COL4A5: variants seen among roughly 807,000 people sequenced by gnomAD.
The protein encoded by COL4A5 is collagen type IV alpha 5 chain.
COL4A5 carries 26 observed loss-of-function variants against 130.2 expected under a neutral mutation model. That is an observed-to-expected ratio of 0.20 (90% CI 0.15 to 0.28). The LOEUF is 0.28. COL4A5 is among the 10% of genes least tolerant of loss of function. The pLI is 1.00. For missense variants in COL4A5, 1,131 were observed against 1,344.3 expected (o/e 0.84, Z 2.48); for synonymous variants, 496 against 439.6 (o/e 1.13, Z -1.60).
chrX:108,682,678 C>T (rs62603586), intron 47 of COL4A5, among the ~76,000 whole-genome samples: 113 of 112,183 alleles, frequency 1.0e-3, no homozygotes, highest in Admixed American at 2.4e-3. Flanking sequence ...TTGTTGGCCT[C>T]ATAAATGTCT....
At chrX:108,677,728 C>T in intron 44 of COL4A5, 95 bp downstream of exon 44, 1 of 1,039,817 alleles carries the variant, frequency 9.6e-7, no homozygotes, top group Non-Finnish European at 1.3e-6. Flanking sequence ...TTAACACTCA[C>T]TAGACAAGGT....
chrX:108,567,815 C>T (rs1229188887), intron 4 of COL4A5, among the ~76,000 whole-genome samples: 1 of 111,454 alleles, frequency 9.0e-6, no homozygotes, highest in Non-Finnish European at 1.9e-5. Context: ...GGGGAAACCA[C>T]CCCCATGATT....
chrX:108,558,229 T>C, intron 2 of COL4A5, among the ~76,000 whole-genome samples: 1 of 109,923 alleles, frequency 9.1e-6, no homozygotes, highest in South Asian at 4.0e-4. Flanking sequence ...TTCTTAAACT[T>C]CATAGTGATG....
intron 1 of COL4A5, among the ~76,000 whole-genome samples, chrX:108,525,028 A>T (rs1308113547): frequency 8.9e-6 from 1 of 111,882 alleles, no homozygotes; most frequent in Non-Finnish European, 1.9e-5. Context: ...GTGTTGTTCA[A>T]GTCCTCTATT....
rs979009653 is a variant in COL4A5, at chrX:108,439,839, G to C, written c.-287G>C. On this transcript the variant is annotated 5_prime_UTR_variant, in exon 1 of 53. Transcript: ENST00000328300. ...CACGGGGAAGAGAGGGAGGAAAGTAGATCTGTAGGAATTGAGTGAAGAAAA... is the reference window on the plus strand; with the variant it reads ...CACGGGGAAGAGAGGGAGGAAAGTACATCTGTAGGAATTGAGTGAAGAAAA... 2 of 357,488 alleles carry C rather than the reference G, an allele frequency of 5.6e-6. No individual in the cohort carries two copies. The highest frequency in any genetic ancestry group is 9.7e-6 in the Non-Finnish European group (2 of 206,166). The allele number at this position is 357,488 out of a possible 1,213,427, so 29.5% of individuals were successfully genotyped here.
At chrX:108,561,843 A>G (rs916518399) in intron 3 of COL4A5, among the ~76,000 whole-genome samples, 1 of 111,640 alleles carries the variant, frequency 9.0e-6, no homozygotes, top group African/African-American at 3.3e-5. Context: ...GGAAAATAGG[A>G]TTACATCAGG....
chrX:108,483,282 A>G (rs1274114730), intron 1 of COL4A5, among the ~76,000 whole-genome samples: 3 of 110,245 alleles, frequency 2.7e-5, no homozygotes, highest in African/African-American at 9.9e-5. Context: ...ATTAACGTAC[A>G]TGATCACAAG....
Position 108,602,956 on chromosome X carries a change from T to G in COL4A5, c.2147-8T>G. On this transcript the variant is annotated splice_polypyrimidine_tract_variant and splice_region_variant and intron_variant, in intron 27 of 52. Transcript: ENST00000328300. ...TTGGTGGTTAAAAAATGACTTATCA[T>G]TTTACAGGCTTTCCTGGAATTCCAG... 2 of 1,151,181 alleles carry G rather than the reference T, an allele frequency of 1.7e-6. No homozygotes were observed. The highest frequency in any genetic ancestry group is 3.5e-5 in the African/African-American group (2 of 56,412). The allele number at this position is 1,151,181 out of a possible 1,213,427, so 94.9% of individuals were successfully genotyped here.
chrX:108,564,000 CA>C, intron 4 of COL4A5, 74 bp downstream of exon 4: 1 of 948,115 alleles, frequency 1.1e-6, no homozygotes, highest in Non-Finnish European at 1.5e-6. Flanking sequence ...TATTATGAGA[CA>C]ATTGGAAAAG....
intron 29 of COL4A5, 126 bp downstream of exon 29, chrX:108,607,018 C>A: frequency 1.5e-6 from 1 of 686,279 alleles, no homozygotes; most frequent in Non-Finnish European, 2.3e-6. Context: ...GTTACTGCTA[C>A]ACATTTTTTT....
At chrX:108,637,684 T>G (rs1052269828) in intron 36 of COL4A5, among the ~76,000 whole-genome samples, 1 of 111,450 alleles carries the variant, frequency 9.0e-6, no homozygotes, top group African/African-American at 3.3e-5. Context: ...TTAGATAACC[T>G]GGATGAAATG....
chrX:108,636,274 G>A (rs1030492580), intron 36 of COL4A5, among the ~76,000 whole-genome samples: 9 of 111,290 alleles, frequency 8.1e-5, no homozygotes, highest in Non-Finnish European at 1.7e-4. Context: ...AACATATTAG[G>A]ATAAAAGATG....
chrX:108,623,581 T>C (rs1032481496), intron 33 of COL4A5, among the ~76,000 whole-genome samples: 2 of 111,893 alleles, frequency 1.8e-5, no homozygotes, highest in Non-Finnish European at 3.8e-5. Flanking sequence ...ATGTTAAAAC[T>C]AGCTATATCT....
At chrX:108,545,502 T>C (rs895553435) in intron 2 of COL4A5, among the ~76,000 whole-genome samples, 4 of 111,721 alleles carry the variant, frequency 3.6e-5, no homozygotes, top group Non-Finnish European at 5.6e-5. Flanking sequence ...TTCTTTTACA[T>C]TTGCTGAGGA....
At chrX:108,597,702 TA>T in intron 24 of COL4A5, 134 bp downstream of exon 24, 1 of 571,413 alleles carries the variant, frequency 1.8e-6, no homozygotes, top group Non-Finnish European at 3.0e-6. Flanking sequence ...GACCATACAG[TA>T]ATGGCACATT....
chrX:108,622,080 A>G (rs1425306651), intron 32 of COL4A5, among the ~76,000 whole-genome samples, 188 bp downstream of exon 32: 1 of 112,774 alleles, frequency 8.9e-6, no homozygotes, highest in Non-Finnish European at 1.9e-5. Flanking sequence ...ACCATGATAC[A>G]TGGTAAATGC....
chrX:108,558,966 G>C, intron 2 of COL4A5, 98 bp from the exon 3 acceptor site: 1 of 690,145 alleles, frequency 1.4e-6, no homozygotes, highest in Non-Finnish European at 2.3e-6. Context: ...AATTAAGTTA[G>C]TTTTGTCTAG....
intron 18 of COL4A5, among the ~76,000 whole-genome samples, chrX:108,586,200 A>G (rs945751202): frequency 9.0e-6 from 1 of 111,656 alleles, no homozygotes; most frequent in African/African-American, 3.3e-5. Flanking sequence ...TTGAGGAAGC[A>G]TATCCTAACA....
At chrX:108,540,940 G>A (rs778624362) in intron 2 of COL4A5, among the ~76,000 whole-genome samples, 9 of 112,014 alleles carry the variant, frequency 8.0e-5, no homozygotes, top group African/African-American at 3.2e-5. Flanking sequence ...TCATACTCTT[G>A]TCTCCACTCT....
Sources: allele counts gnomAD v4.1 joint callset (sites outside exome capture counted in the v4.1 genomes callset), GRCh38; gene constraint gnomAD v4.1.1; transcripts MANE v1.5; gene names NCBI Gene and HGNC (gene_info 2026-07-23, HGNC 2026-07-21).